The following ECE1 variants were observed in gnomAD, a reference collection of about 807,000 sequenced individuals.
ECE1 encodes the protein endothelin-converting enzyme 1.
Under a neutral mutation model 98.6 loss-of-function variants are expected in ECE1, and 35 were observed. The ratio of observed to expected loss-of-function variants is 0.35; its 90% CI spans 0.27 to 0.47. The LOEUF (loss-of-function observed/expected upper bound fraction) is 0.47, where lower values mean the gene tolerates loss of function less well. Among genes scored for constraint, ECE1 ranks in the 20% least tolerant of loss-of-function variants. The pLI is 1.00. For missense variants in ECE1, 814 were observed against 1,025.3 expected (o/e 0.79, Z 2.81); for synonymous variants, 394 against 407.1 (o/e 0.97, Z 0.39).
chr1:21,345,274 C>T lies in ECE1; in HGVS notation c.3+102G>A. ...GCTGCTGCTGCAGCCGGCGCCCAGC[C>T]CCCCGCGAGCCAGGGCGGCCCCGGG... On this transcript the variant is annotated intron_variant, in intron 1 of 18. Transcript: ENST00000415912. The surrounding 1 kb of genome is among the most constrained non-coding windows in gnomAD (Gnocchi z 5.1). 8.2e-7 allele frequency: 1 copy of T among 1,218,886 alleles called. No individual in the cohort carries two copies. Among genetic ancestry groups the T allele is most frequent in the South Asian group, 3.1e-5 (1 of 31,842 alleles). 75.5% of individuals were successfully genotyped at this position (1,218,886 alleles called of 1,614,324 possible). A position where few individuals can be genotyped will look rare whatever the true frequency, so the allele number is the denominator to read the frequency against.
intron 4 of ECE1, among the ~76,000 whole-genome samples, chr1:21,264,029 G>A (rs1296491510): frequency 1.3e-5 from 2 of 152,172 alleles, no homozygotes; most frequent in East Asian, 3.9e-4. Flanking sequence ...AGAAGGGGGC[G>A]AGAAGTATTT....
chr1:21,319,142 C>G lies in ECE1; in HGVS notation c.3+26234G>C, dbSNP rs1296672488. Among the ~76,000 whole-genome samples the G allele has an allele frequency of 6.6e-6, 1 of 152,064 alleles. No homozygotes were observed. Among genetic ancestry groups the G allele is most frequent in the Admixed American group, 6.5e-5 (1 of 15,276 alleles). On this transcript the variant is annotated intron_variant, in intron 1 of 18. Transcript: ENST00000415912. The surrounding 1 kb of genome is among the most constrained non-coding windows in gnomAD (Gnocchi z 4.4). ...GGTGGATTGCCTGAGCTTAGGAGTT[C>G]GAGACCAGCTTGGGCAACATGGTGA...
chr1:21,302,127 G>A (rs1252067246), intron 1 of ECE1, among the ~76,000 whole-genome samples: 5 of 152,326 alleles, frequency 3.3e-5, no homozygotes, highest in South Asian at 4.1e-4. Context: ...GAGACCCAGC[G>A]GGTATTAGGT....
chr1:21,307,394 T>A lies in ECE1; in HGVS notation c.4-17238A>T, dbSNP rs1181892936. 6.6e-6 allele frequency among the ~76,000 whole-genome samples: 1 copy of A among 152,154 alleles called. No individual in the cohort carries two copies. Among genetic ancestry groups the A allele is most frequent in the Non-Finnish European group, 1.5e-5 (1 of 68,032 alleles). On this transcript the variant is annotated intron_variant, in intron 1 of 18. Coordinates refer to the ECE1 transcript ENST00000415912. The surrounding 1 kb of genome is among the most constrained non-coding windows in gnomAD (Gnocchi z 4.2). Reference sequence around the variant, plus strand: ...CCTCTCGGAGCCTCAATTTCCTCCCTCTGCATGGTGAGGGTGGCAGTGGCT... The same window carrying A: ...CCTCTCGGAGCCTCAATTTCCTCCCACTGCATGGTGAGGGTGGCAGTGGCT...
intron 1 of ECE1, among the ~76,000 whole-genome samples, chr1:21,338,044 CCTTCCCCTT>C (rs1639335386): frequency 6.6e-6 from 1 of 152,200 alleles, no homozygotes; most frequent in South Asian, 2.1e-4. Context: ...ATGAGTCCTT[CCTTCCCCTT>C]CTGCCCCCTC....
chr1:21,236,623 TG>T, intron 12 of ECE1, 122 bp downstream of exon 12: 1 of 958,338 alleles, frequency 1.0e-6, no homozygotes, highest in Non-Finnish European at 1.7e-6. Flanking sequence ...CACTCCAGCC[TG>T]GGTAACAAGA....
At chr1:21,237,001 C>T (rs138190138) in intron 11 of ECE1, among the ~76,000 whole-genome samples, 157 bp from the exon 12 acceptor site, 8 of 152,278 alleles carry the variant, frequency 5.3e-5, no homozygotes, top group African/African-American at 1.2e-4. Context: ...TTCCAAACCA[C>T]GCTCCTAACG....
chr1:21,235,926 G>A lies in ECE1; in HGVS notation c.1490C>T (p.Ala497Val). 1 of 1,614,092 alleles carries A rather than the reference G, an allele frequency of 6.2e-7. No homozygotes were observed. The highest frequency in any genetic ancestry group is 2.2e-5 in the East Asian group (1 of 44,882). Residue 497 changes from alanine to valine, a missense_variant and splice_region_variant, in exon 13 of 19, where the codon GCC becomes GTC. Transcript: ENST00000374893. The surrounding 1 kb of genome is among the most constrained non-coding windows in gnomAD (Gnocchi z 4.2). Reference protein sequence around the residue: ...EETRKSAKEKADAIYNMIGYP... With the variant: ...EETRKSAKEKVDAIYNMIGYP... ...TCCTATCATGTTGTAGATGGCATCG[G>A]CCTGGACAGGACAGACAGAGGAAGT...
Position 21,290,004 on chromosome 1 carries a change from G to GGGGGGGGGGGGGGGGGGC in ECE1, c.138+65_138+66insGCCCCCCCCCCCCCCCCC. On this transcript the variant is annotated intron_variant, in intron 2 of 18. Transcript: ENST00000374893. This position sits in a 1 kb window ranked among gnomAD's most constrained non-coding sequence, Gnocchi z 7.3. ...GGGGTAGGTAGGGGCGGGGGGCGCG[G>GGGGGGGGGGGGGGGGGGC]CAGCGGCAGCGCGCATGCCCGGGCC... The GGGGGGGGGGGGGGGGGGC allele has an allele frequency of 8.0e-7, 1 of 1,255,552 alleles. No individual in the cohort carries two copies. Among genetic ancestry groups the GGGGGGGGGGGGGGGGGGC allele is most frequent in the Non-Finnish European group, 1.0e-6 (1 of 993,472 alleles). 77.8% of individuals were successfully genotyped at this position (1,255,552 alleles called of 1,614,324 possible).
chr1:21,241,266 C>T (rs1183873100), intron 10 of ECE1, among the ~76,000 whole-genome samples: 1 of 152,122 alleles, frequency 6.6e-6, no homozygotes, highest in African/African-American at 2.4e-5. Flanking sequence ...GAACTCCTGA[C>T]ATCAGGTGAT....
intron 1 of ECE1, among the ~76,000 whole-genome samples, chr1:21,320,090 C>A (rs1283635487): frequency 6.6e-6 from 1 of 152,204 alleles, no homozygotes. Context: ...TGTGGTGAGC[C>A]GCATTCAAAG....
intron 1 of ECE1, among the ~76,000 whole-genome samples, chr1:21,296,173 G>A (rs1282082332): frequency 6.6e-6 from 1 of 152,066 alleles, no homozygotes; most frequent in South Asian, 2.1e-4. Flanking sequence ...CCAGGTGATG[G>A]AGGTTAATAT....
intron 5 of ECE1, among the ~76,000 whole-genome samples, chr1:21,259,622 T>G (rs1220386719): frequency 6.6e-6 from 1 of 152,116 alleles, no homozygotes; most frequent in Non-Finnish European, 1.5e-5. Context: ...CCCCAGCGCA[T>G]GCAGCCACCA....
At chr1:21,294,802 A>C (rs1229538633), upstream of ECE1, among the ~76,000 whole-genome samples, 1 of 152,176 alleles carries the variant, frequency 6.6e-6, no homozygotes, top group Non-Finnish European at 1.5e-5. The surrounding 1 kb of genome is among the most constrained non-coding windows in gnomAD (Gnocchi z 4.2). Flanking sequence ...GGGAAGCCCC[A>C]CATGTGAAAT....
rs755938599 is a variant in ECE1, at chr1:21,290,178, G to A, written c.52-22C>T. The A allele has an allele frequency of 1.3e-6, 2 of 1,538,188 alleles. No individual in the cohort carries two copies. Among genetic ancestry groups the A allele is most frequent in the Non-Finnish European group, 1.7e-6 (2 of 1,144,884 alleles). ...ACATCTGCAAGGCCAAATGCAGCAC[G>A]GACTCCCTCAGCGCCTCCATGGCTC... On this transcript the variant is annotated intron_variant, in intron 1 of 18. Coordinates refer to ENST00000374893, the MANE Select transcript of ECE1 (RefSeq NM_001397.3). The surrounding 1 kb of genome is among the most constrained non-coding windows in gnomAD (Gnocchi z 7.3).
chr1:21,265,543 A>C (rs1279581069), intron 4 of ECE1, among the ~76,000 whole-genome samples: 1 of 152,142 alleles, frequency 6.6e-6, no homozygotes, highest in Non-Finnish European at 1.5e-5. Context: ...AACAAAACAA[A>C]ACAAAGTGAA....
At chr1:21,310,107 T>G (rs1638685597) in intron 1 of ECE1, among the ~76,000 whole-genome samples, 1 of 152,220 alleles carries the variant, frequency 6.6e-6, no homozygotes, top group African/African-American at 2.4e-5. Context: ...AGCTGGATTT[T>G]CTAACAAAAC....
At chr1:21,264,020 G>A (rs1433910916) in intron 4 of ECE1, among the ~76,000 whole-genome samples, 1 of 152,212 alleles carries the variant, frequency 6.6e-6, no homozygotes, top group African/African-American at 2.4e-5. Flanking sequence ...TGGCGGCAGA[G>A]AAGGGGGCGA....
chr1:21,326,214 A>G (rs544630350), intron 1 of ECE1, among the ~76,000 whole-genome samples: 1 of 147,526 alleles, frequency 6.8e-6, no homozygotes, highest in Admixed American at 6.7e-5. Context: ...AAAAATACCC[A>G]TGCGGGGGAG....
Sources: gnomAD v4.1 joint callset for allele counts (sites outside exome capture counted in the v4.1 genomes callset) on GRCh38, gnomAD v4.1.1 for gene constraint, Gnocchi (gnomAD v3.1) non-coding constraint, MANE v1.5 for transcripts, NCBI Gene and HGNC (gene_info 2026-07-23, HGNC 2026-07-21) for gene names.